The following CSMD1 variants were observed in gnomAD, a reference collection of about 807,000 sequenced individuals.
CSMD1 encodes the protein CUB and sushi domain-containing protein 1.
Under a neutral mutation model 417.5 loss-of-function variants are expected in CSMD1, and 213 were observed. The observed-to-expected ratio is 0.51, with a 90% CI of 0.46 to 0.57. The LOEUF (loss-of-function observed/expected upper bound fraction) is 0.57. Ranked by LOEUF, CSMD1 falls within the 20% of genes least tolerant of loss-of-function variation. CSMD1 has a pLI of 0.00. For missense variants in CSMD1, 6,923 were observed against 4,529.7 expected, an observed-to-expected ratio of 1.53 and a Z score of -15.17; for synonymous variants, 2,862 against 1,736.8, an observed-to-expected ratio of 1.65 and a Z score of -16.11.
intron 3 of CSMD1, among the ~76,000 whole-genome samples, chr8:4,049,791 T>G (rs1437641054): frequency 6.6e-6 from 1 of 152,182 alleles, no homozygotes; most frequent in East Asian, 1.9e-4. Flanking sequence ...TCCTTACTGT[T>G]AGCATCTTAG....
At chr8:3,687,177 C>G (rs1026015827) in intron 7 of CSMD1, among the ~76,000 whole-genome samples, 11 of 152,236 alleles carry the variant, frequency 7.2e-5, no homozygotes, top group African/African-American at 2.4e-4. Context: ...CACCTCCGTG[C>G]AGCTCATAGG....
chr8:3,455,036 TCTC>T (rs1312957618), intron 12 of CSMD1, among the ~76,000 whole-genome samples: 1 of 152,198 alleles, frequency 6.6e-6, no homozygotes, highest in East Asian at 1.9e-4. Context: ...TCTCTAAACT[TCTC>T]CTCTCGCTTC....
chr8:4,376,311 G>C (rs921889938), intron 3 of CSMD1, among the ~76,000 whole-genome samples: 1 of 152,150 alleles, frequency 6.6e-6, no homozygotes, highest in Non-Finnish European at 1.5e-5. Context: ...TAGAAAGTCA[G>C]GACATTTTCA....
At chr8:4,071,163 C>T (rs1799535843) in intron 3 of CSMD1, among the ~76,000 whole-genome samples, 1 of 151,738 alleles carries the variant, frequency 6.6e-6, no homozygotes, top group African/African-American at 2.4e-5. Flanking sequence ...TCCATTAGTA[C>T]ATTAAAGATA....
intron 4 of CSMD1, among the ~76,000 whole-genome samples, chr8:4,002,963 A>G (rs1357754278): frequency 6.6e-6 from 1 of 152,208 alleles, no homozygotes; most frequent in Non-Finnish European, 1.5e-5. Flanking sequence ...AAGCAAAAAT[A>G]ACTTTATAAG....
chr8:4,778,856 A>C (rs1797007034), intron 1 of CSMD1, among the ~76,000 whole-genome samples: 1 of 152,246 alleles, frequency 6.6e-6, no homozygotes, highest in African/African-American at 2.4e-5. Context: ...ATTTACTTTC[A>C]AGAACTGCTA....
intron 12 of CSMD1, among the ~76,000 whole-genome samples, chr8:3,443,527 C>A (rs1453037984): frequency 6.6e-6 from 1 of 152,046 alleles, no homozygotes; most frequent in Non-Finnish European, 1.5e-5. Context: ...AAGAATGAAC[C>A]AGAACAATTC....
intron 26 of CSMD1, among the ~76,000 whole-genome samples, chr8:3,239,478 A>G (rs920863879): frequency 2.0e-5 from 3 of 152,162 alleles, no homozygotes; most frequent in Admixed American, 1.3e-4. Context: ...ACCAAGAGGT[A>G]TTTTAGTTTG....
chr8:4,462,666 T>G (rs183330899), intron 2 of CSMD1, among the ~76,000 whole-genome samples: 45 of 152,308 alleles, frequency 3.0e-4, no homozygotes, highest in Admixed American at 2.2e-3. Context: ...AAATTCACGT[T>G]CCAGAGATAA....
intron 54 of CSMD1, among the ~76,000 whole-genome samples, chr8:2,985,633 T>A (rs1430270071): frequency 6.6e-6 from 1 of 152,218 alleles, no homozygotes; most frequent in Admixed American, 6.5e-5. Context: ...TGATAAAGTT[T>A]AAAGGGCACT....
At chr8:4,211,913 G>A (rs977396577) in intron 3 of CSMD1, among the ~76,000 whole-genome samples, 5 of 152,126 alleles carry the variant, frequency 3.3e-5, no homozygotes, top group African/African-American at 4.8e-5. Flanking sequence ...CATCATCAAT[G>A]TACTATTAGG....
intron 25 of CSMD1, among the ~76,000 whole-genome samples, chr8:3,287,256 T>C (rs1315263512): frequency 6.6e-6 from 1 of 151,248 alleles, no homozygotes; most frequent in African/African-American, 2.4e-5. Context: ...GCTTTGTTCT[T>C]TTGGCTTAGG....
At chr8:4,185,438 T>TA (rs1219976421) in intron 3 of CSMD1, among the ~76,000 whole-genome samples, 1 of 152,026 alleles carries the variant, frequency 6.6e-6, no homozygotes, top group Non-Finnish European at 1.5e-5. Flanking sequence ...GCTTGATAAA[T>TA]AATGATTTTA....
At chr8:4,390,281 C>A (rs540161829) in intron 3 of CSMD1, among the ~76,000 whole-genome samples, 62 of 151,824 alleles carry the variant, frequency 4.1e-4, no homozygotes, top group Non-Finnish European at 7.2e-4. Context: ...AAAACTGTCA[C>A]GAGGAGCAAT....
At chr8:4,320,041 A>T (rs2128883545) in intron 3 of CSMD1, among the ~76,000 whole-genome samples, 1 of 152,332 alleles carries the variant, frequency 6.6e-6, no homozygotes, top group African/African-American at 2.4e-5. Context: ...AATGAAAAAA[A>T]TGAGTAGTAA....
At chr8:4,446,779 GTGTGTGTGTGTGTGTGTA>G in intron 2 of CSMD1, among the ~76,000 whole-genome samples, 1 of 146,192 alleles carries the variant, frequency 6.8e-6, no homozygotes, top group Non-Finnish European at 1.5e-5. Flanking sequence ...GTGTGTGTGT[GTGTGTGTGTGTGTGTGTA>G]TTTTTAGTAG....
At chr8:3,694,814 G>A (rs557881424) in intron 7 of CSMD1, among the ~76,000 whole-genome samples, 2 of 151,976 alleles carry the variant, frequency 1.3e-5, no homozygotes, top group South Asian at 2.1e-4. Context: ...GGGAGCCAGG[G>A]GAACGCGGCA....
chr8:4,128,048 C>T (rs1258204555), intron 3 of CSMD1, among the ~76,000 whole-genome samples: 1 of 152,180 alleles, frequency 6.6e-6, no homozygotes, highest in East Asian at 1.9e-4. Context: ...TGATTTATAA[C>T]ATCTCAAGAG....
At chr8:3,611,474 T>C (rs888453731) in intron 8 of CSMD1, among the ~76,000 whole-genome samples, 7 of 152,144 alleles carry the variant, frequency 4.6e-5, no homozygotes, top group African/African-American at 1.2e-4. Context: ...ACTGCTAAGA[T>C]TGGAGTATCT....
Sources: allele counts gnomAD v4.1 joint callset (sites outside exome capture counted in the v4.1 genomes callset), GRCh38; gene constraint gnomAD v4.1.1; transcripts MANE v1.5; gene names NCBI Gene and HGNC (gene_info 2026-07-23, HGNC 2026-07-21).